The following TMEM242 variants were observed in gnomAD, a reference collection of about 807,000 sequenced individuals.
TMEM242 encodes the protein transmembrane protein 242, also known as UPF0463 transmembrane protein C6orf35.
A neutral mutation model predicts 18.2 loss-of-function variants in TMEM242; 10 were observed. The observed-to-expected ratio is 0.55, with a 90% CI of 0.34 to 0.93. TMEM242 has a LOEUF of 0.93. Ranked by LOEUF, TMEM242 falls within the 40% of genes least tolerant of loss-of-function variation. The probability of loss-of-function intolerance (pLI) is 0.02; values close to 1 mark genes in which losing one functional copy is unlikely to be tolerated. For synonymous variants in TMEM242, 57 were observed against 69.9 expected, an observed-to-expected ratio of 0.81 and a Z score of 0.92; for missense variants, 186 against 175.5, an observed-to-expected ratio of 1.06 and a Z score of -0.34.
intron 3 of TMEM242, chr6:157,318,275 C>T (rs1442979204): frequency 6.4e-6 from 1 of 155,870 alleles, no homozygotes; most frequent in Non-Finnish European, 1.4e-5. Context: ...TACCCCGCTG[C>T]CAAGGCTGAA....
chr6:157,314,832 G>A (rs924731606), intron 3 of TMEM242, among the ~76,000 whole-genome samples: 9 of 152,204 alleles, frequency 5.9e-5, no homozygotes, highest in African/African-American at 2.2e-4. Context: ...TTCACTTTAA[G>A]CATTTTAAAC....
chr6:157,306,548 G>A (rs1037582255), intron 3 of TMEM242, among the ~76,000 whole-genome samples: 2 of 152,060 alleles, frequency 1.3e-5, no homozygotes, highest in Admixed American at 6.5e-5. Flanking sequence ...AGGGACACAC[G>A]GGATGCCTGC....
intron 3 of TMEM242, among the ~76,000 whole-genome samples, chr6:157,298,869 A>G (rs1777787098): frequency 6.6e-6 from 1 of 152,260 alleles, no homozygotes; most frequent in Non-Finnish European, 1.5e-5. Flanking sequence ...GTAAATAAGT[A>G]TCACCCAGCA....
chr6:157,304,460 G>C (rs587631113), intron 3 of TMEM242, among the ~76,000 whole-genome samples: 91 of 61,790 alleles, frequency 1.5e-3, no homozygotes, highest in African/African-American at 7.7e-3. Context: ...GTGAGACTCT[G>C]TCAAAAAAAA....
At chr6:157,314,289 T>A (rs62422774) in intron 3 of TMEM242, among the ~76,000 whole-genome samples, 1 of 12,082 alleles carries the variant, frequency 8.3e-5, no homozygotes, top group Non-Finnish European at 2.0e-4. Context: ...CATCATAGTG[T>A]CGCAGTGTGC....
intron 3 of TMEM242, among the ~76,000 whole-genome samples, chr6:157,314,266 G>A (rs201781145): frequency 0.033 from 465 of 14,258 alleles, no homozygotes; most frequent in Non-Finnish European, 0.04. Flanking sequence ...CCCAGTGTGC[G>A]CTCACCTGGC....
At chr6:157,307,383 C>T (rs782105738) in intron 3 of TMEM242, among the ~76,000 whole-genome samples, 41 of 152,112 alleles carry the variant, frequency 2.7e-4, no homozygotes, top group Admixed American at 1.3e-4. Flanking sequence ...TCGCACGTTC[C>T]CACTTGATAA....
chr6:157,300,028 C>A, intron 3 of TMEM242: 1 of 988,316 alleles, frequency 1.0e-6, no homozygotes, highest in Non-Finnish European at 1.6e-6. Flanking sequence ...CGCCCTTGAG[C>A]GGCATGCGCG....
At position 157,289,204 on chromosome 6, in the gene TMEM242, T is replaced by C. The variant is rs1321561481; in HGVS notation, c.*3697A>G. 6.6e-6 allele frequency among the ~76,000 whole-genome samples: 1 copy of C among 152,246 alleles called. No homozygotes were observed. Among genetic ancestry groups the C allele is most frequent in the African/African-American group, 2.4e-5 (1 of 41,472 alleles). On this transcript the variant is annotated 3_prime_UTR_variant, in exon 4 of 4. Coordinates refer to ENST00000400788, the MANE Select transcript of TMEM242 (RefSeq NM_018452.6). Reference sequence around the variant, plus strand: ...AGTTGAAACGATATGTGCTTCTTGGTAGCTGTGATTCTAATTTTCTCCAAA... The same window carrying C: ...AGTTGAAACGATATGTGCTTCTTGGCAGCTGTGATTCTAATTTTCTCCAAA...
chr6:157,299,727 T>C (rs1373389167), intron 3 of TMEM242: 1 of 1,604,740 alleles, frequency 6.2e-7, no homozygotes, highest in African/African-American at 1.3e-5. Context: ...GCACCTTCTG[T>C]GATAATCACT....
chr6:157,306,041 T>C (rs1254977592), intron 3 of TMEM242, among the ~76,000 whole-genome samples: 7 of 152,298 alleles, frequency 4.6e-5, no homozygotes, highest in African/African-American at 1.7e-4. Flanking sequence ...AGCATGTCTG[T>C]ACACACCACA....
intron 3 of TMEM242, among the ~76,000 whole-genome samples, chr6:157,309,644 G>A (rs1461039477): frequency 6.6e-6 from 1 of 152,138 alleles, no homozygotes; most frequent in African/African-American, 2.4e-5. Flanking sequence ...TCCTGCCTCA[G>A]CCTCCCAAAG....
At chr6:157,319,435 T>C (rs1319569534) in intron 2 of TMEM242, among the ~76,000 whole-genome samples, 9 of 152,226 alleles carry the variant, frequency 5.9e-5, no homozygotes, top group Admixed American at 5.9e-4. Context: ...CAGGATAGAC[T>C]AGTTAACAAA....
rs782498837 is a variant in TMEM242, at chr6:157,318,919, C to T, written c.190G>A (p.Gly64Arg). The change falls in exon 3 of 4, where the codon GGA becomes AGA. Residue 64 changes from glycine (G) to arginine (R), a missense_variant and splice_region_variant. By Grantham distance (125) the Gly-to-Arg change is moderately radical. Transcript: ENST00000400788. ...GGTAATGCAGCCGTGGCCATACTTCCCTGAAATGAAACAGAAAAGTTGAGG... is the reference window on the plus strand; with the variant it reads ...GGTAATGCAGCCGTGGCCATACTTCTCTGAAATGAAACAGAAAAGTTGAGG... Reference protein sequence around the residue: ...KKKSPEWFNKGSMATAALPES... With the variant: ...KKKSPEWFNKRSMATAALPES... 1.9e-6 allele frequency: 3 copies of T among 1,594,668 alleles called. No individual in the cohort carries two copies. Among genetic ancestry groups the T allele is most frequent in the Non-Finnish European group, 2.6e-6 (3 of 1,172,588 alleles).
At chr6:157,323,276 C>A (rs994242398) in intron 1 of TMEM242, 136 bp downstream of exon 1, 1 of 994,118 alleles carries the variant, frequency 1.0e-6, no homozygotes, top group Non-Finnish European at 1.5e-6. Context: ...CGCCAGACTC[C>A]GCGGGCTAAA....
rs1414679095 is a variant in TMEM242 at position 157,315,949 on chromosome 6, A to C, written c.327+2833T>G. On this transcript the variant is annotated intron_variant, in intron 3 of 3. Transcript: ENST00000400788. ...AAATTCCATAATAATTATGAATAAAAAATTGGATTATTCTAGCACAGTTGG... is the reference window on the plus strand; with the variant it reads ...AAATTCCATAATAATTATGAATAAACAATTGGATTATTCTAGCACAGTTGG... Among the ~76,000 whole-genome samples the C allele has an allele frequency of 2.0e-5, 3 of 152,354 alleles. No individual in the cohort carries two copies. In the East Asian group the frequency reaches 5.8e-4, roughly 29 times the overall value.
chr6:157,295,030 T>G (rs149869417), intron 3 of TMEM242, among the ~76,000 whole-genome samples: 1 of 152,392 alleles, frequency 6.6e-6, no homozygotes, highest in East Asian at 1.9e-4. Context: ...CTATTATCAT[T>G]GCTGTATTAT....
chr6:157,302,808 T>C (rs1227866098), intron 3 of TMEM242, among the ~76,000 whole-genome samples: 1 of 152,218 alleles, frequency 6.6e-6, no homozygotes, highest in Non-Finnish European at 1.5e-5. Flanking sequence ...TACAGTATTA[T>C]AGCTAATGGC....
chr6:157,313,387 C>G (rs1778268307), intron 3 of TMEM242, among the ~76,000 whole-genome samples: 1 of 4,398 alleles, frequency 2.3e-4, no homozygotes, highest in African/African-American at 1.1e-3. Context: ...TCAGTGTACG[C>G]TCACCGGGCC....
Sources: gnomAD v4.1 joint callset for allele counts (sites outside exome capture counted in the v4.1 genomes callset) on GRCh38, gnomAD v4.1.1 for gene constraint, MANE v1.5 for transcripts, NCBI Gene and HGNC (gene_info 2026-07-23, HGNC 2026-07-21) for gene names.